Variants in KCNMB1 observed in about 807,000 individuals in gnomAD.
KCNMB1 encodes potassium calcium-activated channel subfamily M regulatory beta subunit 1.
KCNMB1 carries 22 observed loss-of-function variants against 21.7 expected under a neutral mutation model. The observed-to-expected ratio is 1.01, with a 90% CI of 0.72 to 1.45. KCNMB1 has a LOEUF of 1.45. Among genes scored for constraint, KCNMB1 ranks in the 40% most tolerant of loss-of-function variants. The pLI is 0.00. For missense variants in KCNMB1, 243 were observed against 243.4 expected, an observed-to-expected ratio of 1.00 and a Z score of 0.01; for synonymous variants, 114 against 107.6, an observed-to-expected ratio of 1.06 and a Z score of -0.37.
Position 170,377,379 on chromosome 5 carries a change from T to G in KCNMB1, c.*1325A>C, listed in dbSNP as rs1764047951. 6.6e-6 allele frequency: 1 copy of G among 152,208 alleles called. No homozygotes were observed. Among genetic ancestry groups the G allele is most frequent in the Non-Finnish European group, 1.5e-5 (1 of 68,080 alleles). 9.4% of individuals were successfully genotyped at this position (152,208 alleles called of 1,614,324 possible). A position where few individuals can be genotyped will look rare whatever the true frequency, so the allele number is the denominator to read the frequency against. On this transcript the variant is annotated 3_prime_UTR_variant, in exon 4 of 4. Coordinates refer to ENST00000274629, the MANE Select transcript of KCNMB1 (RefSeq NM_004137.4). Reference sequence around the variant, plus strand: ...GATGCTGCTGGCCCAGGGACCACACTTGGACAGTCATCGTTCTAGGAAAAC... The same window carrying G: ...GATGCTGCTGGCCCAGGGACCACACGTGGACAGTCATCGTTCTAGGAAAAC...
chr5:170,378,401 G>T lies in KCNMB1; in HGVS notation c.*303C>A. ...AGGTGACGATCATCGTTCTCTGTGG[G>T]GCACATAGTGATGCAGCCGGAAACA... On this transcript the variant is annotated 3_prime_UTR_variant, in exon 4 of 4. Transcript: ENST00000274629. 1 of 326,136 alleles carries T rather than the reference G, an allele frequency of 3.1e-6. No homozygotes were observed. Among genetic ancestry groups the T allele is most frequent in the Admixed American group, 4.6e-5 (1 of 21,930 alleles). The allele number at this position is 326,136 out of a possible 1,614,324, so 20.2% of individuals were successfully genotyped here. A position where few individuals can be genotyped will look rare whatever the true frequency, so the allele number is the denominator to read the frequency against.
At chr5:170,386,931 A>G (rs1764498787) in intron 1 of KCNMB1, among the ~76,000 whole-genome samples, 1 of 151,970 alleles carries the variant, frequency 6.6e-6, no homozygotes, top group South Asian at 2.1e-4. Flanking sequence ...CTCCCCTGCT[A>G]GGCTCCTGAT....
chr5:170,386,135 A>T (rs2113348256), intron 1 of KCNMB1, among the ~76,000 whole-genome samples: 1 of 150,168 alleles, frequency 6.7e-6, no homozygotes, highest in East Asian at 2.0e-4. Flanking sequence ...AAAAAAAAAC[A>T]AAAAACAAAA....
chr5:170,382,029 T>A (rs1764262942), intron 3 of KCNMB1, among the ~76,000 whole-genome samples: 1 of 151,942 alleles, frequency 6.6e-6, no homozygotes, highest in Non-Finnish European at 1.5e-5. Flanking sequence ...CCACGCCCCA[T>A]CCCAGGCACC....
rs943426391 is a variant in KCNMB1, at chr5:170,377,879, G to A, written c.*825C>T. 3.3e-5 allele frequency: 5 copies of A among 152,300 alleles called. No homozygotes were observed. Among genetic ancestry groups the A allele is most frequent in the African/African-American group, 1.2e-4 (5 of 41,546 alleles). 9.4% of individuals were successfully genotyped at this position (152,300 alleles called of 1,614,324 possible). Reference sequence around the variant, plus strand: ...GAGCCACCGCGCCCGGCCCAGAGGGGTTTTTAAGATTGTGTGTTCTGAATG... The same window carrying A: ...GAGCCACCGCGCCCGGCCCAGAGGGATTTTTAAGATTGTGTGTTCTGAATG... On this transcript the variant is annotated 3_prime_UTR_variant, in exon 4 of 4. Transcript: ENST00000274629.
chr5:170,383,192 GT>G lies in KCNMB1; in HGVS notation c.306+486del, dbSNP rs57984523. The G allele has an allele frequency of 7.0e-3, 1,640 of 232,742 alleles. 31 individuals carry two copies. The highest frequency in any genetic ancestry group is 0.035 in the African/African-American group (1,560 of 44,636). The allele number at this position is 232,742 out of a possible 1,614,324, so 14.4% of individuals were successfully genotyped here. ...ACCATCTAAATGTTTGTTTATGGAGGTTACTCCAGCCCTGAGTCCCTGGTTT... is the reference window on the plus strand; with the variant it reads ...ACCATCTAAATGTTTGTTTATGGAGGTACTCCAGCCCTGAGTCCCTGGTTT... On this transcript the variant is annotated intron_variant, in intron 3 of 3. Transcript: ENST00000274629.
Position 170,384,994 on chromosome 5 carries a change from C to T in KCNMB1, c.134+320G>A, listed in dbSNP as rs377590395. Among the ~76,000 whole-genome samples the T allele has an allele frequency of 3.3e-5, 5 of 152,332 alleles. No homozygotes were observed. The East Asian group carries it at 9.6e-4, about 29-fold the overall frequency. The stretch of plus-strand genomic sequence containing the variant: ...TGTAAACATCTGCAATTCTCTGATT[C>T]CTCCTGGGATCAAACTTGCACTGGA... On this transcript the variant is annotated intron_variant, in intron 2 of 3. Transcript: ENST00000274629.
At chr5:170,389,081 C>T (rs1449826429) in intron 1 of KCNMB1, among the ~76,000 whole-genome samples, 178 bp downstream of exon 1, 2 of 152,178 alleles carry the variant, frequency 1.3e-5, no homozygotes, top group African/African-American at 4.8e-5. Context: ...GCCACTGTGC[C>T]ACCCTCCCCA....
chr5:170,377,820 C>G lies in KCNMB1; in HGVS notation c.*884G>C, dbSNP rs1764070331. 1 of 152,256 alleles carries G rather than the reference C, an allele frequency of 6.6e-6. No individual in the cohort carries two copies. Among genetic ancestry groups the G allele is most frequent in the South Asian group, 2.1e-4 (1 of 4,828 alleles). The allele number at this position is 152,256 out of a possible 1,614,324, so 9.4% of individuals were successfully genotyped here. On this transcript the variant is annotated 3_prime_UTR_variant, in exon 4 of 4. Transcript: ENST00000274629. ...ATCTCCTGACCTCGTGATCCACCAG[C>G]CTCGGCCTCCCAAAGTGCTGGGATT...
At chr5:170,387,223 G>A (rs901685450) in intron 1 of KCNMB1, among the ~76,000 whole-genome samples, 1 of 152,128 alleles carries the variant, frequency 6.6e-6, no homozygotes, top group Non-Finnish European at 1.5e-5. Context: ...AGATATCAGG[G>A]GGACTTTATT....
At position 170,377,492 on chromosome 5, in the gene KCNMB1, C is replaced by T. The variant is rs997987561; in HGVS notation, c.*1212G>A. 1.3e-5 allele frequency: 2 copies of T among 152,200 alleles called. No homozygotes were observed. Among genetic ancestry groups the T allele is most frequent in the African/African-American group, 4.8e-5 (2 of 41,440 alleles). 9.4% of individuals were successfully genotyped at this position (152,200 alleles called of 1,614,324 possible). On this transcript the variant is annotated 3_prime_UTR_variant, in exon 4 of 4. Transcript: ENST00000274629. ...ATAGGCTTCCCCAGCAGGCTCAGTG[C>T]CAGAGTCCATACCCTCAATTTAAAT... is the stretch of plus-strand genomic sequence containing the variant.
In KCNMB1 at chr5:170,377,195, A is replaced by G. The variant is rs1764038016; in HGVS notation, c.*1509T>C. On this transcript the variant is annotated 3_prime_UTR_variant, in exon 4 of 4. Coordinates refer to ENST00000274629, the MANE Select transcript of KCNMB1 (RefSeq NM_004137.4). Reference sequence around the variant, plus strand: ...CCTCGCGACAGGACGCTCACTTCCTACACCGGTAGTTCTCTGGCTCGAGGT... The same window carrying G: ...CCTCGCGACAGGACGCTCACTTCCTGCACCGGTAGTTCTCTGGCTCGAGGT... 1 of 152,226 alleles carries G rather than the reference A, an allele frequency of 6.6e-6. No homozygotes were observed. The allele number at this position is 152,226 out of a possible 1,614,324, so 9.4% of individuals were successfully genotyped here.
In KCNMB1 at chr5:170,383,667, C is replaced by G. The variant is rs781551364; in HGVS notation, c.306+12G>C. On this transcript the variant is annotated intron_variant, in intron 3 of 3. Transcript: ENST00000274629. ...GATAAAGGGATGTGTCCCCATCCCT[C>G]CAGTTCAGTACCTGCTGGTTCTGGT... The G allele has an allele frequency of 9.3e-6, 15 of 1,613,868 alleles. No homozygotes were observed. In the South Asian group the frequency reaches 1.5e-4, roughly 17 times the overall value.
At chr5:170,381,868 G>A (rs1764254694) in intron 3 of KCNMB1, among the ~76,000 whole-genome samples, 1 of 152,224 alleles carries the variant, frequency 6.6e-6, no homozygotes, top group Admixed American at 6.5e-5. Flanking sequence ...AGAGGCAGGG[G>A]TCATGGGTAG....
intron 3 of KCNMB1, 25 bp from the exon 4 acceptor site, chr5:170,378,998 G>A (rs1436951201): frequency 1.2e-6 from 2 of 1,605,730 alleles, no homozygotes; most frequent in African/African-American, 1.3e-5. Context: ...AAGAGCAGCT[G>A]TGGGCTTGGA....
chr5:170,388,694 A>G (rs992237606), intron 1 of KCNMB1, among the ~76,000 whole-genome samples: 3 of 152,140 alleles, frequency 2.0e-5, no homozygotes, highest in African/African-American at 7.2e-5. Flanking sequence ...GGACAGGGCG[A>G]TTCTGAGGTC....
intron 1 of KCNMB1, 85 bp from the exon 2 acceptor site, chr5:170,385,556 T>C (rs904170868): frequency 1.7e-6 from 2 of 1,210,848 alleles, no homozygotes; most frequent in Non-Finnish European, 2.4e-6. Flanking sequence ...GAGGGGAAGG[T>C]ACTCAACTAT....
At position 170,376,185 on chromosome 5, in the gene KCNMB1, G is replaced by C. The variant is rs34621617; in HGVS notation, c.*2519C>G. On this transcript the variant is annotated 3_prime_UTR_variant, in exon 4 of 4. Transcript: ENST00000274629. ...TTTTTTTTTTTTTTTTTTTGAGACA[G>C]AGTCTTGCTCTGTTACCCAGGCTGG... 9.4e-6 allele frequency: 1 copy of C among 105,834 alleles called. No homozygotes were observed. Among genetic ancestry groups the C allele is most frequent in the Non-Finnish European group, 1.8e-5 (1 of 56,524 alleles). The allele number at this position is 105,834 out of a possible 1,614,324, so 6.6% of individuals were successfully genotyped here. A position where few individuals can be genotyped will look rare whatever the true frequency, so the allele number is the denominator to read the frequency against.
Position 170,376,991 on chromosome 5 carries a change from T to C in KCNMB1, c.*1713A>G, listed in dbSNP as rs1764029610. 6.6e-6 allele frequency: 1 copy of C among 152,226 alleles called. No individual in the cohort carries two copies. The highest frequency in any genetic ancestry group is 2.1e-4 in the South Asian group (1 of 4,830). The allele number at this position is 152,226 out of a possible 1,614,324, so 9.4% of individuals were successfully genotyped here. On this transcript the variant is annotated 3_prime_UTR_variant, in exon 4 of 4. Coordinates refer to ENST00000274629, the MANE Select transcript of KCNMB1 (RefSeq NM_004137.4). ...CCCAACTATCCAGAAAGAGTCCTTCTTTTATAGATGAAAAAACTAAGAATC... is the reference window on the plus strand; with the variant it reads ...CCCAACTATCCAGAAAGAGTCCTTCCTTTATAGATGAAAAAACTAAGAATC...
Sources: gnomAD v4.1 joint callset for allele counts (sites outside exome capture counted in the v4.1 genomes callset) on GRCh38, gnomAD v4.1.1 for gene constraint, MANE v1.5 for transcripts, NCBI Gene and HGNC (gene_info 2026-07-23, HGNC 2026-07-21) for gene names.